Variants in SLC28A3 observed in about 807,000 individuals in gnomAD.
SLC28A3 encodes concentrative Na(+)-nucleoside cotransporter 3.
In SLC28A3, 68 loss-of-function variants were observed where a neutral mutation model predicts 84.2. The observed-to-expected ratio is 0.81, with a 90% CI of 0.66 to 0.99. The LOEUF (loss-of-function observed/expected upper bound fraction) is 0.99. Ranked by LOEUF, SLC28A3 falls within the 50% of genes least tolerant of loss-of-function variation. SLC28A3 has a pLI of 0.00. For synonymous variants in SLC28A3, 267 were observed against 303.6 expected (o/e 0.88, Z 1.25); for missense variants, 712 against 841.5 (o/e 0.85, Z 1.90).
chr9:84,278,088 A>ATTCCTTGCAATTAAAGCTGATTCCATT lies in SLC28A3; in HGVS notation c.*103_*129dup. On this transcript the variant is annotated 3_prime_UTR_variant, in exon 18 of 18. Coordinates refer to ENST00000376238, the MANE Select transcript of SLC28A3 (RefSeq NM_001199633.2). ...TGAAGGTCCACTCTTGTTTTTCTTC[A>ATTCCTTGCAATTAAAGCTGATTCCATT]TTCCTTGCAATTAAAGCTGATTCCA... 8.0e-7 allele frequency: 1 copy of ATTCCTTGCAATTAAAGCTGATTCCATT among 1,248,546 alleles called. No homozygotes were observed. The highest frequency in any genetic ancestry group is 1.1e-6 in the Non-Finnish European group (1 of 922,564). 77.3% of individuals were successfully genotyped at this position (1,248,546 alleles called of 1,614,324 possible).
rs1824525947 is a variant in SLC28A3 at position 84,276,365 on chromosome 9, T to TA, written c.*1852dup. The TA allele has an allele frequency of 6.6e-6, 1 of 151,754 alleles. No homozygotes were observed. Among genetic ancestry groups the TA allele is most frequent in the Non-Finnish European group, 1.5e-5 (1 of 67,984 alleles). The allele number at this position is 151,754 out of a possible 1,614,324, so 9.4% of individuals were successfully genotyped here. A position where few individuals can be genotyped will look rare whatever the true frequency, so the allele number is the denominator to read the frequency against. On this transcript the variant is annotated 3_prime_UTR_variant, in exon 18 of 18. Coordinates refer to ENST00000376238, the MANE Select transcript of SLC28A3 (RefSeq NM_001199633.2). ...TTAGCGTGGCTACTAGATCTTAAAT[T>TA]ACATGTGACTTGCATATGTCTATCA...
At chr9:84,341,149 T>C (rs374162817), upstream of SLC28A3, among the ~76,000 whole-genome samples, 92 of 152,176 alleles carry the variant, frequency 6.0e-4, 4 homozygotes, top group South Asian at 0.018. Flanking sequence ...GACTTTATTT[T>C]TAGTAGAGAC....
chr9:84,302,179 A>C (rs752716734), intron 5 of SLC28A3, 21 bp downstream of exon 5: 22 of 1,609,208 alleles, frequency 1.4e-5, no homozygotes, highest in Non-Finnish European at 1.7e-5. Flanking sequence ...TAACTGAAAT[A>C]AGAGAACCAA....
chr9:84,303,177 C>T (rs1487919261), intron 4 of SLC28A3, among the ~76,000 whole-genome samples: 1 of 152,150 alleles, frequency 6.6e-6, no homozygotes, highest in African/African-American at 2.4e-5. Flanking sequence ...CCTCAGTATG[C>T]CCCTTCCTTA....
the SLC28A3 span, among the ~76,000 whole-genome samples, chr9:84,356,504 A>C: frequency 2.6e-5 from 4 of 152,140 alleles, no homozygotes; most frequent in African/African-American, 4.8e-5. Flanking sequence ...TCCCATTCTC[A>C]GTAGACAATA....
the SLC28A3 span, among the ~76,000 whole-genome samples, chr9:84,351,277 G>A: frequency 1.3e-5 from 2 of 152,156 alleles, no homozygotes; most frequent in South Asian, 4.1e-4. Context: ...ATAATCTTAT[G>A]AGACTACTAT....
At chr9:84,320,103 G>A (rs1391180601) in intron 1 of SLC28A3, among the ~76,000 whole-genome samples, 1 of 130,114 alleles carries the variant, frequency 7.7e-6, no homozygotes, top group Non-Finnish European at 1.6e-5. Context: ...AGGCTGGAGT[G>A]CAGTGGCATG....
At chr9:84,364,249 C>A in the SLC28A3 span, among the ~76,000 whole-genome samples, 36 of 151,916 alleles carry the variant, frequency 2.4e-4, no homozygotes, top group African/African-American at 8.4e-4. Context: ...CTCAGCCTCC[C>A]GAGTGGCTTA....
At chr9:84,343,240 G>T (rs1379790941), upstream of SLC28A3, among the ~76,000 whole-genome samples, 1 of 152,062 alleles carries the variant, frequency 6.6e-6, no homozygotes, top group African/African-American at 2.4e-5. Flanking sequence ...CCGGGCACAG[G>T]GTTGAGTGGT....
chr9:84,361,326 A>C, the SLC28A3 span, among the ~76,000 whole-genome samples: 1 of 152,216 alleles, frequency 6.6e-6, no homozygotes, highest in Non-Finnish European at 1.5e-5. Flanking sequence ...GCCTGGTGAC[A>C]GAGCGAGACT....
chr9:84,322,690 CA>C (rs1231015778), intron 1 of SLC28A3, among the ~76,000 whole-genome samples: 1 of 151,974 alleles, frequency 6.6e-6, no homozygotes, highest in African/African-American at 2.4e-5. Context: ...ATTAAAAATA[CA>C]AAAATTAGCC....
intron 9 of SLC28A3, among the ~76,000 whole-genome samples, chr9:84,292,997 G>C (rs754995301): frequency 3.9e-5 from 6 of 152,168 alleles, no homozygotes; most frequent in Non-Finnish European, 7.3e-5. Context: ...AATTTCTATA[G>C]GTCTATTGTA....
In SLC28A3 at chr9:84,277,466, C is replaced by G. The variant is rs900275145; in HGVS notation, c.*752G>C. 5 of 152,232 alleles carry G rather than the reference C, an allele frequency of 3.3e-5. No individual in the cohort carries two copies. The highest frequency in any genetic ancestry group is 9.6e-5 in the African/African-American group (4 of 41,462). The allele number at this position is 152,232 out of a possible 1,614,324, so 9.4% of individuals were successfully genotyped here. A position where few individuals can be genotyped will look rare whatever the true frequency, so the allele number is the denominator to read the frequency against. On this transcript the variant is annotated 3_prime_UTR_variant, in exon 18 of 18. Coordinates refer to ENST00000376238, the MANE Select transcript of SLC28A3 (RefSeq NM_001199633.2). ...TTTCCCTCTTAAGACCAACATGCCC[C>G]CCTTAGAGGCTGCTCCTTTAGACTG...
chr9:84,366,907 G>A, the SLC28A3 span, among the ~76,000 whole-genome samples: 148 of 152,192 alleles, frequency 9.7e-4, no homozygotes, highest in Non-Finnish European at 1.6e-3. Flanking sequence ...CCTATGTTCT[G>A]TCAAGGCCCT....
At chr9:84,291,427 C>G (rs1825217780) in intron 10 of SLC28A3, among the ~76,000 whole-genome samples, 1 of 152,166 alleles carries the variant, frequency 6.6e-6, no homozygotes. Flanking sequence ...ACCTCCACCT[C>G]CTGGGTTCAA....
chr9:84,348,414 C>T, the SLC28A3 span, among the ~76,000 whole-genome samples: 1 of 151,148 alleles, frequency 6.6e-6, no homozygotes, highest in Admixed American at 6.6e-5. Context: ...TCAGGCTTTA[C>T]TTCTACACTC....
intron 1 of SLC28A3, among the ~76,000 whole-genome samples, chr9:84,314,581 A>T (rs1018081246): frequency 3.4e-5 from 5 of 149,214 alleles, no homozygotes; most frequent in African/African-American, 1.2e-4. Context: ...CTGAAACACA[A>T]GAATGAATAA....
chr9:84,275,558 G>C lies in SLC28A3; in HGVS notation c.*2660C>G, dbSNP rs1456607417. ...ATCTTTGCCCACTATATGTACATGG[G>C]TGAAGGAGAAACTGGGGAAGACAAG... is the stretch of plus-strand genomic sequence containing the variant. On this transcript the variant is annotated 3_prime_UTR_variant, in exon 18 of 18. Transcript: ENST00000376238. 2 of 152,238 alleles carry C rather than the reference G, an allele frequency of 1.3e-5. No individual in the cohort carries two copies. The highest frequency in any genetic ancestry group is 2.9e-5 in the Non-Finnish European group (2 of 68,074). The allele number at this position is 152,238 out of a possible 1,614,324, so 9.4% of individuals were successfully genotyped here.
intron 4 of SLC28A3, 49 bp from the exon 5 acceptor site, chr9:84,302,438 A>T (rs2118312442): frequency 6.3e-7 from 1 of 1,576,774 alleles, no homozygotes; most frequent in Non-Finnish European, 8.6e-7. Context: ...CCACTGGGAC[A>T]CGCCTCCAGG....
Sources: allele counts gnomAD v4.1 joint callset (sites outside exome capture counted in the v4.1 genomes callset), GRCh38; gene constraint gnomAD v4.1.1; transcripts MANE v1.5; gene names NCBI Gene and HGNC (gene_info 2026-07-23, HGNC 2026-07-21).